Variants in CPQ observed in about 807,000 individuals in gnomAD.
CPQ encodes the protein Ser-Met dipeptidase.
In CPQ, 37 loss-of-function variants were observed where a neutral mutation model predicts 45.7. That is an observed-to-expected ratio of 0.81 (90% confidence interval 0.62 to 1.07). The LOEUF (loss-of-function observed/expected upper bound fraction) is 1.07, where lower values mean the gene tolerates loss of function less well. CPQ is among the 50% of genes least tolerant of loss of function. The pLI, the probability that CPQ is intolerant of heterozygous loss-of-function variation, is 0.00. For missense variants in CPQ, 537 were observed against 572.9 expected (o/e 0.94, Z 0.64); for synonymous variants, 186 against 205.8 (o/e 0.90, Z 0.82).
At chr8:97,075,301 A>G (rs1810825801) in intron 7 of CPQ, among the ~76,000 whole-genome samples, 1 of 152,144 alleles carries the variant, frequency 6.6e-6, no homozygotes, top group African/African-American at 2.4e-5. Flanking sequence ...TTCCTTTTCT[A>G]TCTTCCCCTT....
chr8:96,873,191 A>G (rs115767559), intron 3 of CPQ, among the ~76,000 whole-genome samples: 3,128 of 151,944 alleles, frequency 0.021, 111 homozygotes, highest in African/African-American at 0.071. Context: ...TCTGTCATCA[A>G]TATGGAATAG....
chr8:96,649,941 G>A (rs1183038014), intron 1 of CPQ, among the ~76,000 whole-genome samples: 1 of 152,224 alleles, frequency 6.6e-6, no homozygotes, highest in African/African-American at 2.4e-5. Context: ...AACTGAAAAA[G>A]AGAAATACAG....
At chr8:96,774,806 G>A (rs1287313259) in intron 1 of CPQ, among the ~76,000 whole-genome samples, 3 of 152,120 alleles carry the variant, frequency 2.0e-5, no homozygotes, top group Non-Finnish European at 2.9e-5. Context: ...ATAGTCATAG[G>A]TCTTGCTTAT....
At chr8:96,839,401 C>G (rs1200590895) in intron 3 of CPQ, among the ~76,000 whole-genome samples, 2 of 152,156 alleles carry the variant, frequency 1.3e-5, no homozygotes, top group Non-Finnish European at 2.9e-5. Flanking sequence ...TCTAATGACA[C>G]TTCTTTCCAT....
intron 2 of CPQ, among the ~76,000 whole-genome samples, chr8:96,813,946 A>C (rs567876427): frequency 6.6e-6 from 1 of 152,212 alleles, no homozygotes; most frequent in Admixed American, 6.5e-5. Flanking sequence ...TATCTTGTCC[A>C]ATTAATTTAT....
chr8:97,040,526 G>A (rs1321859407), intron 6 of CPQ, among the ~76,000 whole-genome samples: 2 of 152,160 alleles, frequency 1.3e-5, no homozygotes, highest in Non-Finnish European at 2.9e-5. Flanking sequence ...TGTTGCCATC[G>A]CTTTTGGTGT....
intron 1 of CPQ, among the ~76,000 whole-genome samples, chr8:96,651,312 C>T (rs934496987): frequency 6.6e-6 from 1 of 152,080 alleles, no homozygotes; most frequent in African/African-American, 2.4e-5. Context: ...ATATAGTGAG[C>T]CAGGGTAAGA....
At chr8:96,676,031 ATG>A (rs1809072792) in intron 1 of CPQ, among the ~76,000 whole-genome samples, 1 of 152,044 alleles carries the variant, frequency 6.6e-6, no homozygotes, top group Non-Finnish European at 1.5e-5. Context: ...CTTATGGAGT[ATG>A]TGTGATATTT....
chr8:96,687,149 T>TTTTTC (rs539313283), intron 1 of CPQ, among the ~76,000 whole-genome samples: 3,251 of 151,592 alleles, frequency 0.021, 55 homozygotes, highest in South Asian at 0.091. Context: ...TCACATTCCA[T>TTTTTC]TTTTCTTTTC....
chr8:96,724,293 C>T (rs1809805495), intron 1 of CPQ, among the ~76,000 whole-genome samples: 1 of 152,052 alleles, frequency 6.6e-6, no homozygotes, highest in Non-Finnish European at 1.5e-5. Flanking sequence ...CTTTTGACTG[C>T]TCTGTAATAT....
At chr8:96,785,375 T>A (rs199929109) in intron 2 of CPQ, 45 bp downstream of exon 2, 34 of 1,425,734 alleles carry the variant, frequency 2.4e-5, no homozygotes, top group Non-Finnish European at 3.2e-5. Context: ...ATAAAACTAA[T>A]GTCCCTTGGT....
intron 3 of CPQ, among the ~76,000 whole-genome samples, chr8:96,850,578 AT>A (rs946613726): frequency 4.6e-4 from 66 of 144,100 alleles, no homozygotes; most frequent in African/African-American, 1.6e-3. Context: ...ATTTTATTTT[AT>A]TTTATTTTAT....
At chr8:96,731,851 AT>A (rs895190316) in intron 1 of CPQ, among the ~76,000 whole-genome samples, 1 of 152,076 alleles carries the variant, frequency 6.6e-6, no homozygotes. Flanking sequence ...ATTCTTCCCT[AT>A]TTTTTTGTTC....
intron 5 of CPQ, among the ~76,000 whole-genome samples, chr8:97,007,286 C>T (rs902139732): frequency 1.3e-5 from 2 of 152,216 alleles, no homozygotes; most frequent in African/African-American, 4.8e-5. Context: ...TTAACAGAAG[C>T]TGTGCTTTTC....
intron 6 of CPQ, among the ~76,000 whole-genome samples, chr8:97,050,662 G>T (rs560422841): frequency 1.4e-4 from 22 of 152,256 alleles, no homozygotes; most frequent in Non-Finnish European, 2.6e-4. Flanking sequence ...CCCAGGGTTT[G>T]TGATCAGCCT....
At chr8:96,789,731 C>A (rs567716863) in intron 2 of CPQ, among the ~76,000 whole-genome samples, 1 of 152,124 alleles carries the variant, frequency 6.6e-6, no homozygotes, top group Non-Finnish European at 1.5e-5. Flanking sequence ...TATTTTTAAG[C>A]GTGGCTTAAT....
chr8:97,095,526 T>C (rs548396774), intron 7 of CPQ, among the ~76,000 whole-genome samples: 9 of 152,300 alleles, frequency 5.9e-5, no homozygotes, highest in African/African-American at 2.2e-4. Context: ...CTTCCCATTC[T>C]TTCAAGGCCA....
At chr8:96,844,499 T>C (rs922911449) in intron 3 of CPQ, among the ~76,000 whole-genome samples, 2 of 152,250 alleles carry the variant, frequency 1.3e-5, no homozygotes, top group African/African-American at 4.8e-5. Flanking sequence ...TGTGACCTTA[T>C]GTACATTAAA....
At chr8:96,757,257 A>G (rs1049594452) in intron 1 of CPQ, among the ~76,000 whole-genome samples, 2 of 151,822 alleles carry the variant, frequency 1.3e-5, no homozygotes, top group Non-Finnish European at 2.9e-5. Flanking sequence ...AGGCTGAGGC[A>G]CAAGAATCAC....
Sources: allele counts gnomAD v4.1 joint callset (sites outside exome capture counted in the v4.1 genomes callset), GRCh38; gene constraint gnomAD v4.1.1; transcripts MANE v1.5; gene names NCBI Gene and HGNC (gene_info 2026-07-23, HGNC 2026-07-21).